ZYG11A: variants seen among roughly 807,000 people sequenced by gnomAD.
ZYG11A encodes the protein protein zyg-11 homolog A.
ZYG11A carries 62 observed loss-of-function variants against 77.2 expected under a neutral mutation model. That is an observed-to-expected ratio of 0.80 (90% CI 0.65 to 0.99). ZYG11A has a LOEUF of 0.99. Among genes scored for constraint, ZYG11A ranks in the 50% least tolerant of loss-of-function variants. The pLI is 0.00. For missense variants in ZYG11A, 828 were observed against 896.8 expected (o/e 0.92, Z 0.98); for synonymous variants, 315 against 324.6 (o/e 0.97, Z 0.32).
intron 13 of ZYG11A, among the ~76,000 whole-genome samples, chr1:52,889,873 G>A (rs373347771): frequency 4.0e-5 from 6 of 151,620 alleles, no homozygotes; most frequent in Non-Finnish European, 7.4e-5. Flanking sequence ...CACCATGCCC[G>A]GCTAAATTTT....
At chr1:52,858,973 A>G (rs969102248) in intron 3 of ZYG11A, among the ~76,000 whole-genome samples, 1 of 152,152 alleles carries the variant, frequency 6.6e-6, no homozygotes, top group Non-Finnish European at 1.5e-5. Flanking sequence ...AGTTCTTCCT[A>G]GGGGAAGAGA....
rs182206074 is a variant in ZYG11A, at chr1:52,844,057, A to C, written c.90+1084A>C. ...GGCTTTGCTAGGCTCCATTTTACCG[A>C]TGTAGGGAAGTTGGGAGCTCTGAAA... On this transcript the variant is annotated intron_variant, in intron 1 of 13. Transcript: ENST00000371528. Among the ~76,000 whole-genome samples the C allele has an allele frequency of 2.0e-5, 3 of 152,180 alleles. No homozygotes were observed. The East Asian group carries it at 5.8e-4, about 29-fold the overall frequency.
At chr1:52,891,980 A>G (rs1646550740) in intron 13 of ZYG11A, among the ~76,000 whole-genome samples, 1 of 151,338 alleles carries the variant, frequency 6.6e-6, no homozygotes, top group African/African-American at 2.4e-5. Context: ...GCTCACTGCA[A>G]GCTCACCTCC....
At chr1:52,878,025 T>TA (rs1646292678) in intron 10 of ZYG11A, 56 bp downstream of exon 10, 2 of 1,409,638 alleles carry the variant, frequency 1.4e-6, no homozygotes, top group Non-Finnish European at 2.0e-6. Flanking sequence ...ACCTAACACT[T>TA]ATATAGTACC....
chr1:52,889,978 G>A (rs1476344326), intron 13 of ZYG11A, among the ~76,000 whole-genome samples: 1 of 151,136 alleles, frequency 6.6e-6, no homozygotes, highest in East Asian at 1.9e-4. Flanking sequence ...CTCCCAAAGT[G>A]CTGGGATTAC....
chr1:52,861,613 A>T (rs1043667887), intron 4 of ZYG11A, among the ~76,000 whole-genome samples: 1 of 152,164 alleles, frequency 6.6e-6, no homozygotes, highest in Non-Finnish European at 1.5e-5. Context: ...CTGAGGCAGG[A>T]GAATCGCTGG....
At position 52,890,641 on chromosome 1, in the gene ZYG11A, CTG is replaced by C. The variant is rs1337126735; in HGVS notation, c.2105-2139_2105-2138del. ...TTTTTTTTTGAAACAGGGTCTCACTCTGTCGCCCAGGCTGGAGTGCAGTGGCA... is the reference window on the plus strand; with the variant it reads ...TTTTTTTTTGAAACAGGGTCTCACTCTCGCCCAGGCTGGAGTGCAGTGGCA... On this transcript the variant is annotated intron_variant, in intron 13 of 13. Transcript: ENST00000371528. 9.2e-5 allele frequency among the ~76,000 whole-genome samples: 14 copies of C among 151,788 alleles called. 1 individual carries two copies. The highest frequency in any genetic ancestry group is 3.4e-4 in the African/African-American group (14 of 41,142).
chr1:52,880,253 G>T (rs72897340), intron 10 of ZYG11A, among the ~76,000 whole-genome samples: 9 of 151,810 alleles, frequency 5.9e-5, no homozygotes, highest in South Asian at 2.1e-4. Context: ...AAACAGGCGT[G>T]GGGGGGACAT....
At chr1:52,891,098 C>A (rs1217103458) in intron 13 of ZYG11A, among the ~76,000 whole-genome samples, 1 of 151,734 alleles carries the variant, frequency 6.6e-6, no homozygotes, top group African/African-American at 2.4e-5. Context: ...AGGGATTTCA[C>A]CATGTTGGAC....
chr1:52,849,783 T>G (rs1434754721), intron 1 of ZYG11A, among the ~76,000 whole-genome samples: 1 of 150,870 alleles, frequency 6.6e-6, no homozygotes, highest in Non-Finnish European at 1.5e-5. Flanking sequence ...CCCGGATTCA[T>G]GCCATTCTCC....
At chr1:52,867,255 T>C (rs1646043291) in intron 6 of ZYG11A, among the ~76,000 whole-genome samples, 1 of 152,218 alleles carries the variant, frequency 6.6e-6, no homozygotes, top group Non-Finnish European at 1.5e-5. Context: ...TCCCTTTCTT[T>C]TTCAGACCTA....
chr1:52,867,562 T>C lies in ZYG11A; in HGVS notation c.1415T>C (p.Met472Thr). Residue 472 changes from methionine (M) to threonine (T), a missense_variant, in exon 7 of 14, where the codon ATG (methionine) becomes ACG (threonine). Met to Thr is a moderately conservative substitution (Grantham distance 81, BLOSUM62 -1). Transcript: ENST00000371528. ...AGGTTTGATGCTGCCAAGTTTGTCA[T>C]GAGATGGCTCTGTAAGCATGAAAAC... ...FDRFDAAKFV[M>T]RWLCKHENPK... 6.4e-7 allele frequency: 1 copy of C among 1,552,110 alleles called. No homozygotes were observed.
chr1:52,859,667 C>CTTTTT (rs60756718), intron 3 of ZYG11A, among the ~76,000 whole-genome samples: 2 of 42,940 alleles, frequency 4.7e-5, no homozygotes, highest in Non-Finnish European at 1.0e-4. Flanking sequence ...TGTGTATTGC[C>CTTTTT]TTTTTTTTTT....
At chr1:52,847,594 C>T (rs551015502) in intron 1 of ZYG11A, among the ~76,000 whole-genome samples, 4 of 150,212 alleles carry the variant, frequency 2.7e-5, no homozygotes, top group African/African-American at 7.3e-5. Context: ...TTTTGTTTAT[C>T]TGAGAATATA....
chr1:52,874,607 C>T (rs1348267960), intron 8 of ZYG11A, among the ~76,000 whole-genome samples: 1 of 152,142 alleles, frequency 6.6e-6, no homozygotes, highest in Admixed American at 6.6e-5. Flanking sequence ...TGGCTCATGC[C>T]TGTAATCCCA....
At chr1:52,892,293 C>T (rs544790326) in intron 13 of ZYG11A, among the ~76,000 whole-genome samples, 3 of 144,590 alleles carry the variant, frequency 2.1e-5, no homozygotes, top group African/African-American at 7.7e-5. Flanking sequence ...TTTGGGAGGC[C>T]GAGGCGGGCG....
intron 3 of ZYG11A, among the ~76,000 whole-genome samples, chr1:52,858,068 T>C (rs1485234514): frequency 6.6e-6 from 1 of 150,560 alleles, no homozygotes; most frequent in Admixed American, 6.6e-5. Context: ...ATCATAGGCA[T>C]GAGCCACTGT....
chr1:52,873,172 C>T (rs907724887), intron 8 of ZYG11A, among the ~76,000 whole-genome samples: 1 of 152,016 alleles, frequency 6.6e-6, no homozygotes, highest in African/African-American at 2.4e-5. Flanking sequence ...ATTAGCCAGG[C>T]ATGGTGGCAT....
intron 1 of ZYG11A, among the ~76,000 whole-genome samples, chr1:52,845,468 G>A (rs879785726): frequency 2.0e-5 from 3 of 151,590 alleles, no homozygotes; most frequent in Non-Finnish European, 2.9e-5. Context: ...ACCATTTCCT[G>A]GCTAATTTTT....
Sources: gnomAD v4.1 joint callset for allele counts (sites outside exome capture counted in the v4.1 genomes callset) on GRCh38, gnomAD v4.1.1 for gene constraint, MANE v1.5 for transcripts, NCBI Gene and HGNC (gene_info 2026-07-23, HGNC 2026-07-21) for gene names.